CADPS2: variants seen among roughly 807,000 people sequenced by gnomAD.
The protein encoded by CADPS2 is calcium-dependent secretion activator 2.
A neutral mutation model predicts 172.5 loss-of-function variants in CADPS2; 93 were observed. That is an observed-to-expected ratio of 0.54 (90% CI 0.46 to 0.64). CADPS2 has a LOEUF of 0.64. Among genes scored for constraint, CADPS2 ranks in the 30% least tolerant of loss-of-function variants. The probability of loss-of-function intolerance (pLI) is 0.00; values close to 1 mark genes in which losing one functional copy is unlikely to be tolerated. For synonymous variants in CADPS2, 546 were observed against 555.2 expected, an observed-to-expected ratio of 0.98 and a Z score of 0.23; for missense variants, 1,420 against 1,565.9, an observed-to-expected ratio of 0.91 and a Z score of 1.57.
intron 1 of CADPS2, among the ~76,000 whole-genome samples, chr7:122,773,876 T>C (rs2093782264): frequency 6.6e-6 from 1 of 152,116 alleles, no homozygotes; most frequent in African/African-American, 2.4e-5. Flanking sequence ...CTAGTTTTGT[T>C]CCCTGATGTT....
intron 1 of CADPS2, among the ~76,000 whole-genome samples, chr7:122,881,413 A>C (rs900274475): frequency 1.3e-5 from 2 of 152,178 alleles, no homozygotes; most frequent in Admixed American, 6.5e-5. Context: ...GGTTAAAAGA[A>C]TCAGCTGAAG....
At position 122,393,284 on chromosome 7, in the gene CADPS2, G is replaced by A. The variant is rs748453436; in HGVS notation, c.2920C>T (p.Leu974Phe). 1.2e-5 allele frequency: 20 copies of A among 1,613,914 alleles called. No homozygotes were observed. Among genetic ancestry groups the A allele is most frequent in the Admixed American group, 1.2e-4 (7 of 60,018 alleles). ...AGAGGCAGACTTGGAACTTTTGGAAGAGCTACATTGGGAAGACTGTTGGCG... is the reference window on the plus strand; with the variant it reads ...AGAGGCAGACTTGGAACTTTTGGAAAAGCTACATTGGGAAGACTGTTGGCG... Reference protein sequence around the residue: ...NIANSLPNVALPKVPSLPLNL... With the variant: ...NIANSLPNVAFPKVPSLPLNL... Residue 974 changes from leucine (L) to phenylalanine (F), a missense_variant, in exon 22 of 30, where the codon CTT becomes TTT. Transcript: ENST00000449022.
In CADPS2 at chr7:122,834,402, C is replaced by T. The variant is rs1037654467; in HGVS notation, c.339+51597G>A. On this transcript the variant is annotated intron_variant, in intron 1 of 29. Transcript: ENST00000449022. The stretch of plus-strand genomic sequence containing the variant: ...ATTTCTGCATTTCCAACTGAGGTAC[C>T]GGGTTCATCTCACTGAGGTGTGTCA... 6.6e-5 allele frequency among the ~76,000 whole-genome samples: 10 copies of T among 152,090 alleles called. No individual in the cohort carries two copies. The South Asian group carries it at 8.3e-4, about 13-fold the overall frequency.
chr7:122,693,997 G>A (rs17144729), intron 2 of CADPS2, among the ~76,000 whole-genome samples: 10,015 of 152,146 alleles, frequency 0.066, 373 homozygotes, highest in South Asian at 0.17. Context: ...ATTACTGAAG[G>A]ATTTTTCAAC....
At chr7:122,660,911 GA>G (rs2080458821) in intron 3 of CADPS2, among the ~76,000 whole-genome samples, 3 of 151,112 alleles carry the variant, frequency 2.0e-5, no homozygotes, top group African/African-American at 2.4e-5. Context: ...CTTCGTCTCG[GA>G]AAAAAAAGAA....
chr7:122,576,721 G>A (rs1587498539), intron 7 of CADPS2, among the ~76,000 whole-genome samples: 1 of 151,916 alleles, frequency 6.6e-6, no homozygotes, highest in East Asian at 1.9e-4. Flanking sequence ...GGATCACCGG[G>A]ATGGTTTCCC....
intron 9 of CADPS2, 78 bp downstream of exon 9, chr7:122,513,171 T>C: frequency 1.1e-6 from 1 of 911,366 alleles, no homozygotes. Flanking sequence ...CAGTAAATTT[T>C]GATAGATATA....
At chr7:122,400,233 T>C (rs1231461812) in intron 20 of CADPS2, among the ~76,000 whole-genome samples, 2 of 151,692 alleles carry the variant, frequency 1.3e-5, no homozygotes, top group African/African-American at 4.8e-5. Flanking sequence ...GTCAGGAGTT[T>C]GAGACCAGCT....
At chr7:122,526,436 G>A (rs1400202363) in intron 8 of CADPS2, among the ~76,000 whole-genome samples, 2 of 152,108 alleles carry the variant, frequency 1.3e-5, no homozygotes, top group African/African-American at 2.4e-5. Flanking sequence ...CAGGTGATCT[G>A]CCTGCCTCAG....
chr7:122,421,699 T>C (rs1017060681), intron 17 of CADPS2, among the ~76,000 whole-genome samples: 2 of 152,214 alleles, frequency 1.3e-5, no homozygotes, highest in African/African-American at 2.4e-5. Context: ...TGGCAACCTA[T>C]AATCCATTTC....
At chr7:122,699,060 T>C (rs757605766) in intron 2 of CADPS2, 46 of 618,808 alleles carry the variant, frequency 7.4e-5, no homozygotes, top group Non-Finnish European at 1.2e-4. Context: ...AAGAAATTCT[T>C]AAAGATGGCT....
chr7:122,410,923 C>G (rs1008757826), intron 19 of CADPS2, among the ~76,000 whole-genome samples: 5 of 152,158 alleles, frequency 3.3e-5, no homozygotes, highest in African/African-American at 1.2e-4. Flanking sequence ...TACAATTATC[C>G]TTACTTTATA....
chr7:122,826,548 T>C (rs1409926065), intron 1 of CADPS2, among the ~76,000 whole-genome samples: 1 of 151,628 alleles, frequency 6.6e-6, no homozygotes, highest in Non-Finnish European at 1.5e-5. Flanking sequence ...ATCATAAATA[T>C]GCTTAAAATA....
chr7:122,487,795 A>T (rs1388458084), intron 11 of CADPS2, among the ~76,000 whole-genome samples: 1 of 152,198 alleles, frequency 6.6e-6, no homozygotes, highest in East Asian at 1.9e-4. Context: ...TGGAGGAGTG[A>T]ATAGAAATAA....
intron 3 of CADPS2, among the ~76,000 whole-genome samples, chr7:122,633,288 T>C (rs1452506209): frequency 5.9e-5 from 9 of 152,184 alleles, no homozygotes; most frequent in Admixed American, 5.9e-4. Flanking sequence ...TTGGGCAGTA[T>C]GATCCGTTTA....
At chr7:122,346,253 A>C (rs964937544) in intron 27 of CADPS2, among the ~76,000 whole-genome samples, 43 of 152,232 alleles carry the variant, frequency 2.8e-4, no homozygotes, top group African/African-American at 9.9e-4. Context: ...CTGTAGCCCC[A>C]GCTAGCCAGG....
At chr7:122,639,795 G>T (rs1304320223) in intron 3 of CADPS2, among the ~76,000 whole-genome samples, 1 of 152,070 alleles carries the variant, frequency 6.6e-6, no homozygotes, top group Non-Finnish European at 1.5e-5. Flanking sequence ...TCCCTTGAGC[G>T]CTCATAAACA....
intron 8 of CADPS2, among the ~76,000 whole-genome samples, chr7:122,537,985 T>C (rs2062485456): frequency 6.6e-6 from 1 of 151,430 alleles, no homozygotes; most frequent in African/African-American, 2.4e-5. Flanking sequence ...AATGCAAAAA[T>C]TTAAACCGAT....
intron 3 of CADPS2, among the ~76,000 whole-genome samples, chr7:122,651,612 A>T (rs2079152820): frequency 6.6e-6 from 1 of 152,192 alleles, no homozygotes; most frequent in African/African-American, 2.4e-5. Context: ...TGGGTGGTGT[A>T]GTCTTCAGAC....
Sources: gnomAD v4.1 joint callset for allele counts (sites outside exome capture counted in the v4.1 genomes callset) on GRCh38, gnomAD v4.1.1 for gene constraint, MANE v1.5 for transcripts, NCBI Gene and HGNC (gene_info 2026-07-23, HGNC 2026-07-21) for gene names.